Variants in DZIP1 observed in about 807,000 individuals in gnomAD.
DZIP1 encodes the protein cilium assembly protein DZIP1.
DZIP1 carries 97 observed loss-of-function variants against 107.6 expected under a neutral mutation model. That is an observed-to-expected ratio of 0.90 (90% confidence interval 0.77 to 1.07). DZIP1 has a LOEUF of 1.07. DZIP1 is among the 50% of genes least tolerant of loss of function. The pLI is 0.00. For missense variants in DZIP1, 1,035 were observed against 1,063.6 expected (o/e 0.97, Z 0.37); for synonymous variants, 390 against 386.4 (o/e 1.01, Z -0.11).
In DZIP1 at chr13:95,641,642, C is replaced by T; in HGVS notation, c.250G>A (p.Val84Met). ...AIDVDKVAGA[V>M]DVLTLQENIM... ...TTCTCCTGCAGCGTCAGCACGTCCACAGCCCCCGCCACCTTGTCCACGTCG... is the reference window on the plus strand; with the variant it reads ...TTCTCCTGCAGCGTCAGCACGTCCATAGCCCCCGCCACCTTGTCCACGTCG... The change falls in exon 5 of 23, where the codon GTG becomes ATG. Residue 84 changes from valine (V) to methionine (M), a missense_variant. Physicochemically the swap from Val to Met is conservative, Grantham distance 21. Transcript: ENST00000376829. The surrounding 1 kb of genome is among the most constrained non-coding windows in gnomAD (Gnocchi z 4.3). 1 of 1,609,882 alleles carries T rather than the reference C, an allele frequency of 6.2e-7. No homozygotes were observed. The highest frequency in any genetic ancestry group is 8.5e-7 in the Non-Finnish European group (1 of 1,180,022).
chr13:95,638,654 C>CACAT (rs1594745320), intron 5 of DZIP1, among the ~76,000 whole-genome samples: 1 of 151,696 alleles, frequency 6.6e-6, no homozygotes, highest in Non-Finnish European at 1.5e-5. Flanking sequence ...CACACACACA[C>CACAT]ACACACACGC....
At chr13:95,633,363 T>G in intron 5 of DZIP1, 42 bp from the exon 6 acceptor site, 1 of 1,546,040 alleles carries the variant, frequency 6.5e-7, no homozygotes, top group South Asian at 1.1e-5. Flanking sequence ...CTGTAACGAC[T>G]GTCGTCCCAC....
At chr13:95,591,891 T>C (rs958050637) in intron 16 of DZIP1, among the ~76,000 whole-genome samples, 1 of 152,156 alleles carries the variant, frequency 6.6e-6, no homozygotes, top group Non-Finnish European at 1.5e-5. Flanking sequence ...GAATTACCAA[T>C]AAATTTTTGA....
At chr13:95,639,606 A>AG (rs1341825600) in intron 5 of DZIP1, among the ~76,000 whole-genome samples, 1,653 of 148,792 alleles carry the variant, frequency 0.011, 28 homozygotes, top group African/African-American at 0.039. Context: ...AAAAAAAAAA[A>AG]AGAGAGAGAG....
In DZIP1 at chr13:95,589,828, A is replaced by T; in HGVS notation, c.1948T>A (p.Ser650Thr). Residue 650 changes from serine (S) to threonine (T), a missense_variant, in exon 18 of 23, where the codon TCT becomes ACT. By Grantham distance (58) the Ser-to-Thr change is moderately conservative. Coordinates refer to ENST00000376829, the MANE Select transcript of DZIP1 (RefSeq NM_198968.4). ...TTTGGAACAGATGTCCTATCAGTAG[A>T]AACAGCTTTTTGTCTAATCAGTTGT... ...NRQLIRQKAV[S>T]TDRTSVPKIK... 2 of 1,614,064 alleles carry T rather than the reference A, an allele frequency of 1.2e-6. No individual in the cohort carries two copies. The highest frequency in any genetic ancestry group is 2.7e-5 in the African/African-American group (2 of 75,058).
chr13:95,619,196 AAAACT>A (rs1875508648), intron 10 of DZIP1, among the ~76,000 whole-genome samples: 2 of 152,244 alleles, frequency 1.3e-5, no homozygotes, highest in African/African-American at 4.8e-5. Flanking sequence ...AGAATACTTT[AAAACT>A]TAGGAAAGGT....
intron 3 of DZIP1, among the ~76,000 whole-genome samples, chr13:95,642,705 T>C (rs1878680342): frequency 6.6e-6 from 1 of 152,186 alleles, no homozygotes; most frequent in Non-Finnish European, 1.5e-5. Flanking sequence ...TTGGCCAAAT[T>C]CACCGAATTG....
At chr13:95,584,617 G>C (rs2044104799) in intron 22 of DZIP1, 119 bp downstream of exon 22, 1 of 1,466,764 alleles carries the variant, frequency 6.8e-7, no homozygotes, top group Admixed American at 2.4e-5. Flanking sequence ...CATAAAGAAA[G>C]CACTGACAGC....
At chr13:95,613,511 C>CAA (rs11356166) in intron 10 of DZIP1, among the ~76,000 whole-genome samples, 2,606 of 140,388 alleles carry the variant, frequency 0.019, 71 homozygotes, top group African/African-American at 0.064. Flanking sequence ...GATTCCGTCT[C>CAA]AAAAAAAAAA....
chr13:95,585,027 C>A, intron 21 of DZIP1, 117 bp from the exon 22 acceptor site: 2 of 699,932 alleles, frequency 2.9e-6, no homozygotes, highest in Admixed American at 3.1e-5. Context: ...AAGTGGGGAA[C>A]TATTAATACT....
At position 95,606,072 on chromosome 13, in the gene DZIP1, A is replaced by T; in HGVS notation, c.1421-13T>A. 2 of 1,612,696 alleles carry T rather than the reference A, an allele frequency of 1.2e-6. No homozygotes were observed. The highest frequency in any genetic ancestry group is 1.7e-6 in the Non-Finnish European group (2 of 1,179,486). The stretch of plus-strand genomic sequence containing the variant: ...GCTGGGGCATTCACTGAAACAGCAT[A>T]AAAAGGAAAAACTCAGAGGTTCCAT... On this transcript the variant is annotated splice_polypyrimidine_tract_variant and intron_variant, in intron 13 of 22. Coordinates refer to ENST00000376829, the MANE Select transcript of DZIP1 (RefSeq NM_198968.4).
chr13:95,594,592 G>A (rs1594657067), intron 15 of DZIP1, among the ~76,000 whole-genome samples: 1 of 152,044 alleles, frequency 6.6e-6, no homozygotes, highest in East Asian at 1.9e-4. Context: ...TTGGACCCAG[G>A]AGTTTGAGAT....
At chr13:95,630,157 A>C in intron 6 of DZIP1, 44 bp from the exon 7 acceptor site, 1 of 1,581,478 alleles carries the variant, frequency 6.3e-7, no homozygotes, top group Non-Finnish European at 8.6e-7. Context: ...CTCTTACCAA[A>C]TGTACCTGGA....
Position 95,580,173 on chromosome 13 carries a change from A to G in DZIP1, c.*2061T>C, listed in dbSNP as rs1397361701. ...AACATGGTGAAACCTCATCTCTACT[A>G]AAAATACAAAAAATTAAGCCAGGCA... On this transcript the variant is annotated 3_prime_UTR_variant, in exon 23 of 23. Transcript: ENST00000376829. 1 of 152,046 alleles carries G rather than the reference A, an allele frequency of 6.6e-6. No homozygotes were observed. Among genetic ancestry groups the G allele is most frequent in the East Asian group, 1.9e-4 (1 of 5,186 alleles). 9.4% of individuals were successfully genotyped at this position (152,046 alleles called of 1,614,324 possible).
chr13:95,632,489 C>T (rs1368177464), intron 6 of DZIP1, among the ~76,000 whole-genome samples: 1 of 152,096 alleles, frequency 6.6e-6, no homozygotes, highest in African/African-American at 2.4e-5. Context: ...TCCAGGCCCC[C>T]GTCTCTCTCA....
chr13:95,622,355 A>G lies in DZIP1; in HGVS notation c.1098T>C (p.Leu366=), dbSNP rs751814417. The G allele has an allele frequency of 1.9e-6, 3 of 1,614,192 alleles. No individual in the cohort carries two copies. The highest frequency in any genetic ancestry group is 1.7e-6 in the Non-Finnish European group (2 of 1,180,022). ...YPQDFHNVMQ[L]LDSQESKWTA... The stretch of plus-strand genomic sequence containing the variant: ...CACTTGCACGTACCTGACTATCAAG[A>G]AGCTGCATGACATTATGGAAATCCT... The change falls in exon 9 of 23, where the codon CTT becomes CTC. Residue 366 remains leucine (L), a synonymous_variant. Transcript: ENST00000376829.
intron 15 of DZIP1, among the ~76,000 whole-genome samples, chr13:95,598,199 A>C (rs908048106): frequency 6.6e-6 from 1 of 152,240 alleles, no homozygotes; most frequent in Non-Finnish European, 1.5e-5. Context: ...CAAAGAAATA[A>C]GGAGGAAATG....
rs34995131 is a variant in DZIP1 at position 95,603,306 on chromosome 13, CAAAAAAAAAAAAA to C, written c.1477+2684_1477+2696del. On this transcript the variant is annotated intron_variant, in intron 14 of 22. Coordinates refer to ENST00000376829, the MANE Select transcript of DZIP1 (RefSeq NM_198968.4). ...TGGGCGACAGAGAAATGCCCAGTCTCAAAAAAAAAAAAAAAAAAAAAAAAAAAAAGAGTTTCCA... is the reference window on the plus strand; with the variant it reads ...TGGGCGACAGAGAAATGCCCAGTCTCAAAAAAAAAAAAAAAAGAGTTTCCA... 1.6e-3 allele frequency among the ~76,000 whole-genome samples: 79 copies of C among 47,968 alleles called. 1 individual carries two copies. The highest frequency in any genetic ancestry group is 5.6e-3 in the African/African-American group (66 of 11,882). 31.5% of individuals were successfully genotyped at this position (47,968 alleles called of 152,430 possible).
intron 7 of DZIP1, among the ~76,000 whole-genome samples, chr13:95,625,841 G>A (rs1056846137): frequency 6.6e-6 from 1 of 152,054 alleles, no homozygotes; most frequent in Admixed American, 6.5e-5. Flanking sequence ...AAAGAAGAAA[G>A]GTCCAGGTGT....
Sources: gnomAD v4.1 joint callset for allele counts (sites outside exome capture counted in the v4.1 genomes callset) on GRCh38, gnomAD v4.1.1 for gene constraint, Gnocchi (gnomAD v3.1) non-coding constraint, MANE v1.5 for transcripts, NCBI Gene and HGNC (gene_info 2026-07-23, HGNC 2026-07-21) for gene names.